The following SDK1 variants were observed in gnomAD, a reference collection of about 807,000 sequenced individuals.
The protein encoded by SDK1 is protein sidekick-1.
Under a neutral mutation model 245.5 loss-of-function variants are expected in SDK1, and 157 were observed. The ratio of observed to expected loss-of-function variants is 0.64; its 90% CI spans 0.56 to 0.73. The LOEUF (loss-of-function observed/expected upper bound fraction) is 0.73. SDK1 is among the 30% of genes least tolerant of loss of function. The pLI is 0.00. For synonymous variants in SDK1, 1,647 were observed against 1,278.5 expected, an observed-to-expected ratio of 1.29 and a Z score of -6.15; for missense variants, 3,583 against 3,002.3, an observed-to-expected ratio of 1.19 and a Z score of -4.52.
rs368461035 is a variant in SDK1, at chr7:4,229,669, C to G, written c.5828-3586C>G. 8.5e-5 allele frequency among the ~76,000 whole-genome samples: 13 copies of G among 152,174 alleles called. 1 individual carries two copies. The South Asian group carries it at 2.5e-3, about 29-fold the overall frequency. ...TCCACTCCGGAGGTGTTCAGACCTT[C>G]TCAGAACAGTCTGAAGAAATCCTTC... On this transcript the variant is annotated intron_variant, in intron 40 of 44. Coordinates refer to ENST00000404826, the MANE Select transcript of SDK1 (RefSeq NM_152744.4).
chr7:3,861,877 T>C (rs541793812), intron 5 of SDK1, among the ~76,000 whole-genome samples: 15 of 152,344 alleles, frequency 9.8e-5, no homozygotes, highest in African/African-American at 3.4e-4. Flanking sequence ...TTTGTGTTTA[T>C]CTGTCCCAGT....
At chr7:3,547,565 C>T (rs1417072173) in intron 1 of SDK1, among the ~76,000 whole-genome samples, 1 of 152,186 alleles carries the variant, frequency 6.6e-6, no homozygotes, top group African/African-American at 2.4e-5. Context: ...TCTGTTTAAA[C>T]TCTTGGCATT....
intron 4 of SDK1, among the ~76,000 whole-genome samples, chr7:3,765,979 C>A (rs1780240703): frequency 6.6e-6 from 1 of 152,120 alleles, no homozygotes. Context: ...AACCTAGGAG[C>A]AATAACATTG....
intron 5 of SDK1, among the ~76,000 whole-genome samples, chr7:3,858,595 G>C (rs573316901): frequency 1.3e-5 from 2 of 151,910 alleles, no homozygotes; most frequent in Non-Finnish European, 2.9e-5. Context: ...TTGTGTATAA[G>C]ACCCAGGGTT....
chr7:3,641,130 A>G (rs1168908395), intron 3 of SDK1, among the ~76,000 whole-genome samples: 4 of 152,104 alleles, frequency 2.6e-5, no homozygotes, highest in Non-Finnish European at 2.9e-5. Context: ...TCACATAGAA[A>G]ATGTCTTTTG....
At chr7:4,089,072 G>A (rs1022083062) in intron 22 of SDK1, among the ~76,000 whole-genome samples, 1 of 140,596 alleles carries the variant, frequency 7.1e-6, no homozygotes, top group Non-Finnish European at 1.5e-5. Context: ...GTGGAGGTGA[G>A]ACCCTCCCTC....
chr7:3,872,995 A>G (rs1448683522), intron 5 of SDK1, among the ~76,000 whole-genome samples: 1 of 152,174 alleles, frequency 6.6e-6, no homozygotes, highest in African/African-American at 2.4e-5. Flanking sequence ...GAACTTAAAA[A>G]TAAATAATTT....
chr7:3,616,927 T>C (rs1169478848), intron 1 of SDK1, among the ~76,000 whole-genome samples: 1 of 152,194 alleles, frequency 6.6e-6, no homozygotes, highest in East Asian at 1.9e-4. Flanking sequence ...AAAGAAATTT[T>C]CCGTATTAAG....
chr7:3,396,015 C>A (rs1019610759), intron 1 of SDK1, among the ~76,000 whole-genome samples: 7 of 151,698 alleles, frequency 4.6e-5, no homozygotes, highest in African/African-American at 1.7e-4. Flanking sequence ...GTTTAGTCTT[C>A]TGTTTTCTAC....
rs145836451 is a variant in SDK1, at chr7:4,149,311, C to T, written c.4473C>T (p.Thr1491=). Residue 1491 remains threonine, a synonymous_variant, in exon 30 of 45, where the codon ACC becomes ACT. Transcript: ENST00000404826. ...TCCTGGTGCCCCAGGCAGAAGTGAC[C>T]GCACGCAGCCTCCGGCTCCAGTGGG... ...RELLVPQAEV[T]ARSLRLQWVP... 3.8e-5 allele frequency: 61 copies of T among 1,587,722 alleles called. No homozygotes were observed. In the African/African-American group the frequency reaches 5.5e-4, roughly 14 times the overall value.
At chr7:3,571,766 T>A (rs1207667507) in intron 1 of SDK1, among the ~76,000 whole-genome samples, 2 of 152,092 alleles carry the variant, frequency 1.3e-5, no homozygotes, top group Admixed American at 1.3e-4. Context: ...AGAATGGGAT[T>A]AAATTTTTAA....
chr7:4,129,817 C>G (rs78693141), intron 26 of SDK1, 91 bp from the exon 27 acceptor site: 27,029 of 1,570,080 alleles, frequency 0.017, 899 homozygotes, highest in African/African-American at 0.11. Context: ...GTTGGCTGGG[C>G]CTTGATTCAC....
intron 1 of SDK1, among the ~76,000 whole-genome samples, chr7:3,436,798 C>G (rs1047368090): frequency 6.6e-6 from 1 of 152,080 alleles, no homozygotes; most frequent in East Asian, 1.9e-4. Context: ...AATCTGTAGT[C>G]TAGAGTTGTG....
At chr7:3,686,374 C>G (rs1450132116) in intron 4 of SDK1, among the ~76,000 whole-genome samples, 1 of 152,184 alleles carries the variant, frequency 6.6e-6, no homozygotes, top group Non-Finnish European at 1.5e-5. Context: ...CCATGCCTGG[C>G]CAAGGCAAAC....
At chr7:3,457,298 G>A (rs987600664) in intron 1 of SDK1, among the ~76,000 whole-genome samples, 9 of 152,140 alleles carry the variant, frequency 5.9e-5, no homozygotes, top group African/African-American at 1.9e-4. Context: ...TGTCCCTTCA[G>A]TCTTGGCCTT....
chr7:3,712,018 C>T (rs547879150), intron 4 of SDK1, among the ~76,000 whole-genome samples: 155 of 152,282 alleles, frequency 1.0e-3, no homozygotes, highest in African/African-American at 3.6e-3. Flanking sequence ...TCCATAAGAA[C>T]ATGCATGTGA....
At chr7:3,995,848 G>C (rs1784662043) in intron 14 of SDK1, among the ~76,000 whole-genome samples, 1 of 151,608 alleles carries the variant, frequency 6.6e-6, no homozygotes, top group Admixed American at 6.6e-5. Context: ...TTTGTAACAA[G>C]GATTTTTTCA....
At chr7:3,376,798 T>TA (rs145450654) in intron 1 of SDK1, among the ~76,000 whole-genome samples, 3,279 of 151,856 alleles carry the variant, frequency 0.022, 73 homozygotes, top group African/African-American at 0.057. Context: ...TGTATACTGT[T>TA]AAAAAAAAAT....
intron 5 of SDK1, among the ~76,000 whole-genome samples, chr7:3,895,953 A>G (rs972852269): frequency 1.3e-5 from 2 of 152,186 alleles, no homozygotes; most frequent in African/African-American, 2.4e-5. Context: ...CATACTCTGC[A>G]TGATTTCAAT....
Sources: allele counts gnomAD v4.1 joint callset (sites outside exome capture counted in the v4.1 genomes callset), GRCh38; gene constraint gnomAD v4.1.1; transcripts MANE v1.5; gene names NCBI Gene and HGNC (gene_info 2026-07-23, HGNC 2026-07-21).